The following PTPRT variants were observed in gnomAD, a reference collection of about 807,000 sequenced individuals.
The protein encoded by PTPRT is protein tyrosine phosphatase receptor type T, also known as receptor-type tyrosine-protein phosphatase T.
A neutral mutation model predicts 176.8 loss-of-function variants in PTPRT; 56 were observed. That is an observed-to-expected ratio of 0.32 (90% CI 0.26 to 0.40). PTPRT has a LOEUF of 0.40. PTPRT is among the 10% of genes least tolerant of loss of function. PTPRT has a pLI of 1.00. For synonymous variants in PTPRT, 783 were observed against 739.0 expected (o/e 1.06, Z -0.96); for missense variants, 1,540 against 1,908.2 (o/e 0.81, Z 3.60).
intron 7 of PTPRT, among the ~76,000 whole-genome samples, chr20:42,654,916 G>C (rs1272833501): frequency 6.6e-6 from 1 of 152,160 alleles, no homozygotes; most frequent in African/African-American, 2.4e-5. Context: ...GAAATTTATA[G>C]ATTATATCTT....
At chr20:42,858,736 T>C (rs1321344015) in intron 2 of PTPRT, among the ~76,000 whole-genome samples, 1 of 152,204 alleles carries the variant, frequency 6.6e-6, no homozygotes, top group Admixed American at 6.5e-5. Context: ...GGTACTTTTT[T>C]ATAGAAGCCC....
intron 17 of PTPRT, among the ~76,000 whole-genome samples, chr20:42,143,600 A>T (rs1302047363): frequency 6.6e-6 from 1 of 151,852 alleles, no homozygotes; most frequent in Non-Finnish European, 1.5e-5. Flanking sequence ...CAGGCAACAC[A>T]TGATGGTACC....
chr20:42,979,947 A>C (rs1480416762), intron 1 of PTPRT, among the ~76,000 whole-genome samples: 1 of 117,176 alleles, frequency 8.5e-6, no homozygotes, highest in Non-Finnish European at 1.6e-5. Flanking sequence ...TTGAGATTCC[A>C]GAAGCCGGAG....
chr20:43,091,347 C>T (rs755142252), intron 1 of PTPRT, among the ~76,000 whole-genome samples: 12 of 152,026 alleles, frequency 7.9e-5, no homozygotes, highest in Non-Finnish European at 1.5e-5. Context: ...ATTAGCAATA[C>T]TGAATGTTAG....
At chr20:42,519,038 G>A (rs917912663) in intron 7 of PTPRT, among the ~76,000 whole-genome samples, 5 of 151,822 alleles carry the variant, frequency 3.3e-5, no homozygotes, top group African/African-American at 7.3e-5. Flanking sequence ...TGTCCTGATC[G>A]AGTTCTTCAT....
At chr20:43,085,264 C>A (rs1027322147) in intron 1 of PTPRT, among the ~76,000 whole-genome samples, 2 of 152,296 alleles carry the variant, frequency 1.3e-5, no homozygotes, top group East Asian at 3.9e-4. Flanking sequence ...ACATCTCATT[C>A]TTTTACAACC....
intron 16 of PTPRT, among the ~76,000 whole-genome samples, chr20:42,192,881 C>A (rs1053134164): frequency 6.6e-6 from 1 of 152,114 alleles, no homozygotes; most frequent in African/African-American, 2.4e-5. Context: ...AGGATGATTC[C>A]GGCAGAACCT....
intron 11 of PTPRT, among the ~76,000 whole-genome samples, chr20:42,345,060 T>C (rs1196698350): frequency 6.6e-6 from 1 of 152,124 alleles, no homozygotes; most frequent in African/African-American, 2.4e-5. Flanking sequence ...CATGGAAACT[T>C]CTGAACAAGC....
chr20:42,291,787 G>A (rs189269761), intron 12 of PTPRT, among the ~76,000 whole-genome samples: 1 of 152,104 alleles, frequency 6.6e-6, no homozygotes, highest in Non-Finnish European at 1.5e-5. Context: ...GATGTAAAAC[G>A]AAGCTAGCGA....
At chr20:42,228,572 T>C (rs183560649) in intron 15 of PTPRT, among the ~76,000 whole-genome samples, 9 of 152,316 alleles carry the variant, frequency 5.9e-5, no homozygotes, top group Non-Finnish European at 8.8e-5. Flanking sequence ...CTAAAACCCA[T>C]ATAAGACTAC....
intron 8 of PTPRT, among the ~76,000 whole-genome samples, chr20:42,470,789 G>A (rs2071180237): frequency 6.6e-6 from 1 of 151,924 alleles, no homozygotes; most frequent in African/African-American, 2.4e-5. Flanking sequence ...ATTCCAAGCA[G>A]GAGAAATGGC....
intron 1 of PTPRT, among the ~76,000 whole-genome samples, chr20:43,010,458 C>T (rs1985057269): frequency 6.6e-6 from 1 of 152,198 alleles, no homozygotes; most frequent in Non-Finnish European, 1.5e-5. Context: ...GGCTTCTGCT[C>T]ATAGTGTCTA....
the PTPRT span, among the ~76,000 whole-genome samples, chr20:42,046,847 G>C: frequency 6.6e-6 from 1 of 151,906 alleles, no homozygotes; most frequent in Non-Finnish European, 1.5e-5. Context: ...AGGATTCCTG[G>C]CTCTGCCTGT....
chr20:42,675,436 T>G (rs2075485942), intron 7 of PTPRT, among the ~76,000 whole-genome samples: 1 of 152,242 alleles, frequency 6.6e-6, no homozygotes, highest in South Asian at 2.1e-4. Context: ...AATAATGTTG[T>G]GCATGAACCA....
intron 7 of PTPRT, among the ~76,000 whole-genome samples, chr20:42,506,200 C>A (rs2071841302): frequency 6.6e-6 from 1 of 152,000 alleles, no homozygotes; most frequent in Non-Finnish European, 1.5e-5. Flanking sequence ...ATACATTACT[C>A]TAGTAATGTA....
intron 1 of PTPRT, among the ~76,000 whole-genome samples, chr20:43,185,206 A>G (rs1470993458): frequency 6.6e-6 from 1 of 152,198 alleles, no homozygotes; most frequent in Non-Finnish European, 1.5e-5. Flanking sequence ...CTTGTCCGAC[A>G]TGGTTTGTTC....
intron 7 of PTPRT, among the ~76,000 whole-genome samples, chr20:42,555,624 T>G (rs570262461): frequency 3.9e-4 from 60 of 152,272 alleles, no homozygotes; most frequent in African/African-American, 1.4e-3. Context: ...ACGTAACTTA[T>G]AGTCCTTCCC....
At chr20:43,059,520 A>G (rs1987369241) in intron 1 of PTPRT, among the ~76,000 whole-genome samples, 1 of 152,214 alleles carries the variant, frequency 6.6e-6, no homozygotes, top group Admixed American at 6.5e-5. Context: ...TCCATTGCCC[A>G]ATAACGTGGC....
chr20:42,989,298 T>G (rs1307344836), intron 1 of PTPRT, among the ~76,000 whole-genome samples: 4 of 152,214 alleles, frequency 2.6e-5, no homozygotes, highest in African/African-American at 9.7e-5. Context: ...TTCTACCAAT[T>G]TCCATGGGAT....
Sources: allele counts gnomAD v4.1 joint callset (sites outside exome capture counted in the v4.1 genomes callset), GRCh38; gene constraint gnomAD v4.1.1; transcripts MANE v1.5; gene names NCBI Gene and HGNC (gene_info 2026-07-23, HGNC 2026-07-21).